The following GSTT4 variants were observed in gnomAD, a reference collection of about 807,000 sequenced individuals.
GSTT4 encodes the protein glutathione S-transferase theta 4.
At chr22:23,996,313 G>A (rs142948621), downstream of GSTT4, among the ~76,000 whole-genome samples, 445 of 152,066 alleles carry the variant, frequency 2.9e-3, 2 homozygotes, top group Non-Finnish European at 5.1e-3. Context: ...TGTGAATAGA[G>A]ATGGTTTTAC....
At chr22:24,000,677 G>C (rs2034210331) in intron 3 of GSTT4, among the ~76,000 whole-genome samples, 1 of 144,410 alleles carries the variant, frequency 6.9e-6, no homozygotes, top group Admixed American at 6.8e-5. Flanking sequence ...TCCTGCCTCA[G>C]CGTCCTGAGT....
chr22:23,991,056 T>C, the GSTT4 span, among the ~76,000 whole-genome samples: 2 of 92,018 alleles, frequency 2.2e-5, 1 homozygote, highest in Admixed American at 2.5e-4. Context: ...TGGGCACCTG[T>C]AGTCCCAGCT....
At chr22:23,994,703 A>C (rs1601569222), downstream of GSTT4, among the ~76,000 whole-genome samples, 1 of 151,900 alleles carries the variant, frequency 6.6e-6, no homozygotes, top group East Asian at 1.9e-4. Context: ...TTTCTCCACA[A>C]CAATGTGAGC....
chr22:23,993,551 G>T (rs1158187158), downstream of GSTT4, among the ~76,000 whole-genome samples: 2 of 152,218 alleles, frequency 1.3e-5, no homozygotes, highest in Non-Finnish European at 2.9e-5. Flanking sequence ...TGGGCTGGAG[G>T]CCCCTAGGGG....
the GSTT4 span, chr22:23,991,261 T>C: frequency 4.4e-3 from 389 of 88,338 alleles, 3 homozygotes; most frequent in Middle Eastern, 0.013. Flanking sequence ...TCTGCATTCT[T>C]GGCCCGACTG....
chr22:23,993,946 C>T (rs899006023), downstream of GSTT4, among the ~76,000 whole-genome samples: 2 of 152,196 alleles, frequency 1.3e-5, no homozygotes, highest in African/African-American at 2.4e-5. Context: ...AATATGGTCA[C>T]TCATAACTTT....
At chr22:23,998,136 T>C (rs1451043039), downstream of GSTT4, among the ~76,000 whole-genome samples, 2 of 152,150 alleles carry the variant, frequency 1.3e-5, no homozygotes, top group African/African-American at 4.8e-5. Flanking sequence ...ATTCTGCTCC[T>C]GTCGGGTGGA....
downstream of GSTT4, among the ~76,000 whole-genome samples, chr22:23,994,394 C>A (rs2146221625): frequency 6.6e-6 from 1 of 152,070 alleles, no homozygotes; most frequent in South Asian, 2.1e-4. Context: ...ACTCTGTACC[C>A]AATAAAGAGT....
At chr22:23,995,988 G>A (rs2034111776), downstream of GSTT4, among the ~76,000 whole-genome samples, 3 of 147,242 alleles carry the variant, frequency 2.0e-5, no homozygotes, top group South Asian at 6.6e-4. Flanking sequence ...CAGTCACCCA[G>A]GCTGGAGTGC....
intron 2 of GSTT4, among the ~76,000 whole-genome samples, chr22:24,003,335 C>A (rs544783830): frequency 1.4e-5 from 1 of 71,394 alleles, no homozygotes; most frequent in Non-Finnish European, 3.3e-5. Flanking sequence ...CTCAGCCTCC[C>A]GAGTAGCTGG....
At chr22:24,001,804 G>T (rs1219650558) in intron 2 of GSTT4, among the ~76,000 whole-genome samples, 2 of 152,248 alleles carry the variant, frequency 1.3e-5, no homozygotes, top group Non-Finnish European at 2.9e-5. Context: ...TGGCCAACAT[G>T]GTGAAACCCT....
chr22:23,989,544 C>T, the GSTT4 span, among the ~76,000 whole-genome samples: 4 of 144,024 alleles, frequency 2.8e-5, no homozygotes, highest in African/African-American at 7.4e-5. Context: ...ATTCAGCTTC[C>T]TATCCCAGCT....
At chr22:23,990,653 T>TAAACAAACAAAC in the GSTT4 span, among the ~76,000 whole-genome samples, 8 of 56,832 alleles carry the variant, frequency 1.4e-4, 1 homozygote, top group Middle Eastern at 8.5e-3. Context: ...AATAAATAAA[T>TAAACAAACAAAC]AAACAAACAA....
In GSTT4 at chr22:24,003,806, T is replaced by A. The variant is rs1227425237; in HGVS notation, c.154A>T (p.Arg52Trp). 1 of 155,890 alleles carries A rather than the reference T, an allele frequency of 6.4e-6. No homozygotes were observed. Among genetic ancestry groups the A allele is most frequent in the East Asian group, 1.9e-4 (1 of 5,210 alleles). 9.7% of individuals were successfully genotyped at this position (155,890 alleles called of 1,614,324 possible). The change falls in exon 2 of 5, where the codon AGG (arginine) becomes TGG (tryptophan). Residue 52 changes from arginine (R) to tryptophan (W), a missense_variant. Arg to Trp is a moderately radical substitution (Grantham distance 101). Transcript: ENST00000621179. ...SKGYIDINPL[R>W]KLPSLKDGKF... is the part of the protein sequence containing the mutation. ...CCATCTTTGAGGCTGGGCAGCTTCC[T>A]GAGGGGGTTGATGTCAATGTATCCT... is the stretch of plus-strand genomic sequence containing the variant.
downstream of GSTT4, among the ~76,000 whole-genome samples, chr22:23,995,602 C>T (rs2034108439): frequency 1.3e-5 from 2 of 152,156 alleles, no homozygotes; most frequent in Non-Finnish European, 2.9e-5. Flanking sequence ...GCCTTTTCTA[C>T]ATTACAGATT....
intron 2 of GSTT4, among the ~76,000 whole-genome samples, chr22:24,002,844 A>AAC (rs1555896390): frequency 0.038 from 1,427 of 37,330 alleles, 26 homozygotes; most frequent in Middle Eastern, 0.13. Context: ...AAAAAAAAAA[A>AAC]AAAAAACTTC....
At chr22:23,997,431 CA>C (rs2034127064), downstream of GSTT4, among the ~76,000 whole-genome samples, 1 of 152,026 alleles carries the variant, frequency 6.6e-6, no homozygotes, top group African/African-American at 2.4e-5. Flanking sequence ...TTGTGTTACC[CA>C]GGCTGTTCTC....
chr22:23,992,769 G>A, the GSTT4 span, among the ~76,000 whole-genome samples: 17 of 104,838 alleles, frequency 1.6e-4, no homozygotes, highest in African/African-American at 6.8e-4. Flanking sequence ...ACCTTCCCCT[G>A]GTCTCTACTA....
chr22:23,992,371 C>G, the GSTT4 span, among the ~76,000 whole-genome samples: 693 of 137,240 alleles, frequency 5.0e-3, no homozygotes, highest in African/African-American at 0.017. Flanking sequence ...AAGATTTATT[C>G]ACAGGGCACC....
Sources: gnomAD v4.1 joint callset for allele counts (sites outside exome capture counted in the v4.1 genomes callset) on GRCh38, gnomAD v4.1.1 for gene constraint, MANE v1.5 for transcripts, NCBI Gene and HGNC (gene_info 2026-07-23, HGNC 2026-07-21) for gene names.